The following VSTM4 variants were observed in gnomAD, a reference collection of about 807,000 sequenced individuals.
VSTM4 encodes the protein V-set and transmembrane domain-containing protein 4.
Under a neutral mutation model 36.4 loss-of-function variants are expected in VSTM4, and 20 were observed. The observed-to-expected ratio is 0.55, with a 90% CI of 0.39 to 0.80. The LOEUF is 0.80. Ranked by LOEUF, VSTM4 falls within the 30% of genes least tolerant of loss-of-function variation. The probability of loss-of-function intolerance (pLI) is 0.00; values close to 1 mark genes in which losing one functional copy is unlikely to be tolerated. For missense variants in VSTM4, 392 were observed against 404.5 expected (o/e 0.97, Z 0.26); for synonymous variants, 182 against 173.9 (o/e 1.05, Z -0.37).
At chr10:49,086,067 C>G (rs1282431485) in intron 2 of VSTM4, 44 bp from the exon 3 acceptor site, 1 of 1,194,698 alleles carries the variant, frequency 8.4e-7, no homozygotes, top group Non-Finnish European at 1.2e-6. Context: ...AAAATAATGC[C>G]ACATGGTACA....
chr10:49,064,973 C>A (rs559843071), intron 4 of VSTM4, among the ~76,000 whole-genome samples: 66 of 152,306 alleles, frequency 4.3e-4, no homozygotes, highest in African/African-American at 1.4e-3. Context: ...GCCATACACC[C>A]CAGACTTCCT....
At chr10:49,099,848 T>A (rs1844636273) in intron 2 of VSTM4, among the ~76,000 whole-genome samples, 1 of 152,130 alleles carries the variant, frequency 6.6e-6, no homozygotes, top group South Asian at 2.1e-4. Context: ...CAAAACCCTG[T>A]CTCTACTAAA....
chr10:49,109,619 A>C (rs1844856304), intron 1 of VSTM4, among the ~76,000 whole-genome samples: 1 of 152,172 alleles, frequency 6.6e-6, no homozygotes, highest in Non-Finnish European at 1.5e-5. Context: ...TTCCATTCAC[A>C]GGTCCCCAGG....
chr10:49,095,537 A>G (rs1690874252), intron 2 of VSTM4, among the ~76,000 whole-genome samples: 1 of 152,106 alleles, frequency 6.6e-6, no homozygotes. Flanking sequence ...CCATTGAGTT[A>G]CTTTTGCATG....
intron 4 of VSTM4, among the ~76,000 whole-genome samples, chr10:49,065,929 C>T (rs1843965338): frequency 6.6e-6 from 1 of 151,808 alleles, no homozygotes. Context: ...TACCGAGCAT[C>T]TACTGTATAC....
intron 7 of VSTM4, among the ~76,000 whole-genome samples, chr10:49,020,898 T>C (rs1208918242): frequency 6.6e-6 from 1 of 152,142 alleles, no homozygotes; most frequent in Non-Finnish European, 1.5e-5. Flanking sequence ...AAGTTTATTC[T>C]ATTCCAGAAA....
At chr10:49,058,413 G>T (rs1325663594) in intron 5 of VSTM4, among the ~76,000 whole-genome samples, 1 of 152,132 alleles carries the variant, frequency 6.6e-6, no homozygotes, top group East Asian at 1.9e-4. Context: ...CGGGTTTCCA[G>T]GAATTTTGGA....
Position 49,044,977 on chromosome 10 carries a change from T to C in VSTM4, c.837+2006A>G, listed in dbSNP as rs188029712. 2.8e-3 allele frequency among the ~76,000 whole-genome samples: 432 copies of C among 152,354 alleles called. 3 individuals carry two copies. Among genetic ancestry groups the C allele is most frequent in the African/African-American group, 9.9e-3 (411 of 41,580 alleles). The stretch of plus-strand genomic sequence containing the variant: ...TAATCTCTTTTTCACTGCACTGCAA[T>C]GTCACTGTTGTCATAAATCAAATGA... On this transcript the variant is annotated intron_variant, in intron 7 of 7. Transcript: ENST00000332853.
intron 4 of VSTM4, among the ~76,000 whole-genome samples, chr10:49,067,644 G>A (rs1843996762): frequency 6.6e-6 from 1 of 152,224 alleles, no homozygotes; most frequent in South Asian, 2.1e-4. Context: ...GGCTTCAGGG[G>A]AAATGAATCC....
At chr10:49,071,542 G>T (rs370872315) in intron 4 of VSTM4, among the ~76,000 whole-genome samples, 1 of 152,228 alleles carries the variant, frequency 6.6e-6, no homozygotes, top group Non-Finnish European at 1.5e-5. Context: ...AATGTTGAGC[G>T]CCCTTAGAGG....
chr10:49,095,325 G>A (rs994944559), intron 2 of VSTM4, among the ~76,000 whole-genome samples: 2 of 152,018 alleles, frequency 1.3e-5, no homozygotes, highest in Admixed American at 6.6e-5. Flanking sequence ...AAAGAGCTTG[G>A]ATCACTCATT....
rs1316874239 is a variant in VSTM4 at position 49,015,602 on chromosome 10, G to A, written c.*4048C>T. On this transcript the variant is annotated 3_prime_UTR_variant, in exon 8 of 8. Coordinates refer to ENST00000332853, the MANE Select transcript of VSTM4 (RefSeq NM_001031746.5). ...GTTTGGTTTTCCTTCCTGATGAACAGTTTCTATCCTATGTATGGAGATGGG... is the reference window on the plus strand; with the variant it reads ...GTTTGGTTTTCCTTCCTGATGAACAATTTCTATCCTATGTATGGAGATGGG... The A allele has an allele frequency of 6.6e-6, 1 of 152,218 alleles. No individual in the cohort carries two copies. The highest frequency in any genetic ancestry group is 1.5e-5 in the Non-Finnish European group (1 of 68,088). The allele number at this position is 152,218 out of a possible 1,614,324, so 9.4% of individuals were successfully genotyped here.
intron 5 of VSTM4, among the ~76,000 whole-genome samples, chr10:49,059,474 C>T (rs980287966): frequency 2.0e-5 from 3 of 152,162 alleles, no homozygotes; most frequent in African/African-American, 7.2e-5. Flanking sequence ...TACTTCCAGC[C>T]TCAGTCAGCC....
chr10:49,061,759 C>T (rs891841265), intron 5 of VSTM4, among the ~76,000 whole-genome samples: 5 of 152,252 alleles, frequency 3.3e-5, no homozygotes, highest in South Asian at 2.1e-4. Context: ...AATCTACTTA[C>T]GTCACTGTGT....
chr10:49,114,070 G>T (rs1844945583), intron 1 of VSTM4, among the ~76,000 whole-genome samples: 1 of 152,324 alleles, frequency 6.6e-6, no homozygotes, highest in Middle Eastern at 3.4e-3. Flanking sequence ...ACCACTGGCT[G>T]CTGGCTACTC....
At chr10:49,049,641 T>C (rs1386820871) in intron 5 of VSTM4, among the ~76,000 whole-genome samples, 3 of 151,968 alleles carry the variant, frequency 2.0e-5, no homozygotes, top group Non-Finnish European at 4.4e-5. Context: ...ATCATCAAAA[T>C]AAAAGAAGGT....
intron 2 of VSTM4, among the ~76,000 whole-genome samples, chr10:49,096,512 G>A (rs925071435): frequency 3.3e-5 from 5 of 152,104 alleles, no homozygotes; most frequent in African/African-American, 1.2e-4. Context: ...CATTTTCACT[G>A]CTGATAAAGA....
intron 5 of VSTM4, chr10:49,064,051 A>C (rs1299037169): frequency 6.6e-6 from 1 of 152,176 alleles, no homozygotes; most frequent in Admixed American, 6.5e-5. Context: ...CTGCTGTTGG[A>C]TGGGAAAACA....
At chr10:49,088,245 T>C (rs901056966) in intron 2 of VSTM4, among the ~76,000 whole-genome samples, 8 of 152,166 alleles carry the variant, frequency 5.3e-5, no homozygotes, top group African/African-American at 1.4e-4. Context: ...TTCCTATCAC[T>C]GGGCACATTG....
Sources: gnomAD v4.1 joint callset for allele counts (sites outside exome capture counted in the v4.1 genomes callset) on GRCh38, gnomAD v4.1.1 for gene constraint, MANE v1.5 for transcripts, NCBI Gene and HGNC (gene_info 2026-07-23, HGNC 2026-07-21) for gene names.